Variants in ANO10 observed in about 807,000 individuals in gnomAD.
ANO10 encodes the protein anoctamin 10, also known as anoctamin-10.
A neutral mutation model predicts 74.7 loss-of-function variants in ANO10; 77 were observed. The ratio of observed to expected loss-of-function variants is 1.03; its 90% CI spans 0.86 to 1.25. The LOEUF is 1.25. Among genes scored for constraint, ANO10 ranks in the 50% most tolerant of loss-of-function variants. ANO10 has a pLI of 0.00. For missense variants in ANO10, 721 were observed against 778.1 expected (o/e 0.93, Z 0.87); for synonymous variants, 279 against 284.9 (o/e 0.98, Z 0.21).
chr3:43,417,528 T>C (rs188683617), intron 12 of ANO10, among the ~76,000 whole-genome samples: 7 of 152,218 alleles, frequency 4.6e-5, no homozygotes, highest in African/African-American at 1.4e-4. Context: ...GAGAGAGAGC[T>C]GTTTTCCTTT....
At chr3:43,628,111 C>T (rs1312528974) in intron 1 of ANO10, among the ~76,000 whole-genome samples, 1 of 152,114 alleles carries the variant, frequency 6.6e-6, no homozygotes, top group Non-Finnish European at 1.5e-5. Context: ...TTCCTCCTTT[C>T]TTGTCTTGTT....
chr3:43,382,396 G>A (rs1407445473), intron 12 of ANO10, among the ~76,000 whole-genome samples: 1 of 151,854 alleles, frequency 6.6e-6, no homozygotes, highest in Non-Finnish European at 1.5e-5. Flanking sequence ...GCGGGCGCCT[G>A]TAGTCCCAGC....
intron 12 of ANO10, among the ~76,000 whole-genome samples, chr3:43,367,800 CTA>C (rs1432366228): frequency 6.6e-6 from 1 of 152,172 alleles, no homozygotes; most frequent in African/African-American, 2.4e-5. Flanking sequence ...AAATGAATAA[CTA>C]TAATACTGTG....
chr3:43,589,675 A>G (rs1255836348), intron 4 of ANO10, among the ~76,000 whole-genome samples: 2 of 152,206 alleles, frequency 1.3e-5, no homozygotes, highest in African/African-American at 4.8e-5. Context: ...ATTTGGCAGT[A>G]TCTACTCTAA....
chr3:43,446,541 G>A (rs1355090012), intron 11 of ANO10, among the ~76,000 whole-genome samples: 1 of 152,114 alleles, frequency 6.6e-6, no homozygotes, highest in Non-Finnish European at 1.5e-5. Context: ...GAAAATACTG[G>A]TTTATGGTTT....
At chr3:43,375,836 T>A (rs1183185550) in intron 12 of ANO10, among the ~76,000 whole-genome samples, 1 of 152,224 alleles carries the variant, frequency 6.6e-6, no homozygotes, top group Admixed American at 6.5e-5. Context: ...CCTTGGGGGA[T>A]GAATTTAATG....
chr3:43,612,138 T>TTTTA (rs1367404312), intron 1 of ANO10, among the ~76,000 whole-genome samples: 2 of 89,218 alleles, frequency 2.2e-5, no homozygotes, highest in East Asian at 3.4e-4. Flanking sequence ...AAATTAAATA[T>TTTTA]TTTATATATA....
intron 1 of ANO10, chr3:43,690,816 A>G (rs2084353254): frequency 2.0e-6 from 1 of 510,958 alleles, no homozygotes; most frequent in African/African-American, 2.0e-5. Flanking sequence ...GCGGACGCAA[A>G]GCCGGAGGCA....
At chr3:43,563,976 G>A (rs539349639) in intron 8 of ANO10, among the ~76,000 whole-genome samples, 1 of 152,206 alleles carries the variant, frequency 6.6e-6, no homozygotes, top group Admixed American at 6.5e-5. Context: ...ATAATGTATT[G>A]TATGCTCCCA....
intron 1 of ANO10, among the ~76,000 whole-genome samples, chr3:43,682,659 A>T (rs1405138854): frequency 6.6e-6 from 1 of 152,240 alleles, no homozygotes; most frequent in African/African-American, 2.4e-5. Flanking sequence ...ATCTCTGATG[A>T]ACATTGATCC....
chr3:43,373,365 C>T (rs1320321553), intron 12 of ANO10, among the ~76,000 whole-genome samples: 1 of 152,090 alleles, frequency 6.6e-6, no homozygotes, highest in Non-Finnish European at 1.5e-5. Flanking sequence ...GAAACAAAGA[C>T]TCCGCCAAGA....
At chr3:43,430,259 TTTGC>T (rs952203870) in intron 12 of ANO10, among the ~76,000 whole-genome samples, 4 of 152,158 alleles carry the variant, frequency 2.6e-5, no homozygotes, top group South Asian at 2.1e-4. Context: ...ATCTTTTGAG[TTTGC>T]TTATTTTTTG....
chr3:43,565,988 C>G (rs931879970), intron 7 of ANO10, among the ~76,000 whole-genome samples: 2 of 152,090 alleles, frequency 1.3e-5, no homozygotes, highest in Non-Finnish European at 2.9e-5. Flanking sequence ...GCACCGTGTG[C>G]GAGCCGAAGC....
chr3:43,470,701 A>G (rs1193229426), intron 11 of ANO10, among the ~76,000 whole-genome samples: 1 of 151,742 alleles, frequency 6.6e-6, no homozygotes, highest in Non-Finnish European at 1.5e-5. Flanking sequence ...ATCTTGGCAT[A>G]TTGTAGCCTC....
Position 43,470,494 on chromosome 3 carries a change from C to A in ANO10, c.1798-37767G>T, listed in dbSNP as rs1028469072. 2.0e-5 allele frequency among the ~76,000 whole-genome samples: 3 copies of A among 152,308 alleles called. No homozygotes were observed. The Middle Eastern group carries it at 0.01, about 518-fold the overall frequency. On this transcript the variant is annotated intron_variant, in intron 11 of 12. Transcript: ENST00000292246. ...TCAGCCTCCTGAGTAGCTGGGACTA[C>A]AGGCGCGCCTGGCTAATTTTTTGTA... is the stretch of plus-strand genomic sequence containing the variant.
intron 4 of ANO10, 73 bp downstream of exon 4, chr3:43,598,445 TAAGTTCTTCTGTAA>T: frequency 7.5e-7 from 1 of 1,334,882 alleles, no homozygotes; most frequent in Non-Finnish European, 1.1e-6. Flanking sequence ...TAAGTTTGTG[TAAGTTCTTCTGTAA>T]GAGGGAAAAA....
chr3:43,681,003 G>A (rs1285189620), intron 1 of ANO10, among the ~76,000 whole-genome samples: 2 of 152,172 alleles, frequency 1.3e-5, no homozygotes, highest in African/African-American at 4.8e-5. Context: ...ATCGAGGCTA[G>A]GAGGAAACTG....
chr3:43,522,984 A>T (rs567618445), intron 11 of ANO10, among the ~76,000 whole-genome samples: 1 of 152,208 alleles, frequency 6.6e-6, no homozygotes, highest in Admixed American at 6.5e-5. Context: ...GAAGCAAGGG[A>T]GGCTGGAAAG....
intron 4 of ANO10, 101 bp from the exon 5 acceptor site, chr3:43,580,573 G>C: frequency 6.9e-7 from 1 of 1,447,248 alleles, no homozygotes; most frequent in Non-Finnish European, 9.5e-7. Context: ...GGAGTACAAC[G>C]CAAAGGTCAA....
Sources: allele counts gnomAD v4.1 joint callset (sites outside exome capture counted in the v4.1 genomes callset), GRCh38; gene constraint gnomAD v4.1.1; transcripts MANE v1.5; gene names NCBI Gene and HGNC (gene_info 2026-07-23, HGNC 2026-07-21).